LRRC7: variants seen among roughly 807,000 people sequenced by gnomAD.
The protein encoded by LRRC7 is leucine rich repeat containing 7, also known as leucine-rich repeat-containing protein 7.
In LRRC7, 23 loss-of-function variants were observed where a neutral mutation model predicts 175.7. That is an observed-to-expected ratio of 0.13 (90% confidence interval 0.09 to 0.19). LRRC7 has a LOEUF of 0.19. Among genes scored for constraint, LRRC7 ranks in the 10% least tolerant of loss-of-function variants. The probability of loss-of-function intolerance (pLI) is 1.00; values close to 1 mark genes in which losing one functional copy is unlikely to be tolerated. For synonymous variants in LRRC7, 685 were observed against 680.9 expected (o/e 1.01, Z -0.09); for missense variants, 1,354 against 1,904.7 (o/e 0.71, Z 5.38).
rs1004541019 is a variant in LRRC7 at position 70,038,195 on chromosome 1, C to G, written c.2371C>G (p.Gln791Glu). ...REAVPPGNIP[Q>E]RPDRLPMSDT... Reference sequence around the variant, plus strand: ...GGCTGTTCCCCCAGGCAATATACCACAGCGTCCTGACCGGCTGCCCATGAG... The same window carrying G: ...GGCTGTTCCCCCAGGCAATATACCAGAGCGTCCTGACCGGCTGCCCATGAG... Residue 791 changes from glutamine (Q) to glutamate (E), a missense_variant, in exon 21 of 27, where the codon CAG (glutamine) becomes GAG (glutamate). Gln to Glu is a conservative substitution (Grantham distance 29). Transcript: ENST00000651989. The G allele has an allele frequency of 3.7e-6, 6 of 1,614,020 alleles. No individual in the cohort carries two copies. Among genetic ancestry groups the G allele is most frequent in the Non-Finnish European group, 5.1e-6 (6 of 1,180,014 alleles).
At chr1:69,629,420 G>A (rs761829232) in intron 1 of LRRC7, among the ~76,000 whole-genome samples, 3 of 152,004 alleles carry the variant, frequency 2.0e-5, no homozygotes, top group Admixed American at 6.6e-5. Context: ...TATTTCCATC[G>A]AGGAGTATAT....
At chr1:69,894,052 C>G (rs1200799191) in intron 7 of LRRC7, among the ~76,000 whole-genome samples, 1 of 152,052 alleles carries the variant, frequency 6.6e-6, no homozygotes, top group Non-Finnish European at 1.5e-5. Flanking sequence ...ACGGTTAGAT[C>G]AACAAAGAGA....
At chr1:70,116,601 G>GC (rs1553207081) in intron 26 of LRRC7, among the ~76,000 whole-genome samples, 4 of 150,556 alleles carry the variant, frequency 2.7e-5, no homozygotes, top group Admixed American at 2.7e-4. Flanking sequence ...TTCTGCAAAG[G>GC]TTTTTTTTAA....
At chr1:69,821,627 C>T (rs894235814) in intron 4 of LRRC7, among the ~76,000 whole-genome samples, 4 of 152,088 alleles carry the variant, frequency 2.6e-5, no homozygotes, top group African/African-American at 9.7e-5. Flanking sequence ...CACATGGTGG[C>T]TCTCGCCTGT....
intron 8 of LRRC7, among the ~76,000 whole-genome samples, chr1:69,951,817 G>A (rs1261902312): frequency 1.3e-5 from 2 of 151,964 alleles, no homozygotes; most frequent in African/African-American, 4.8e-5. Context: ...AGGGAGAACA[G>A]AAAAGATAAC....
chr1:69,738,578 G>A (rs571819855), intron 2 of LRRC7, among the ~76,000 whole-genome samples: 5 of 152,058 alleles, frequency 3.3e-5, no homozygotes, highest in African/African-American at 1.2e-4. Context: ...CACACAAAGT[G>A]TTACTTTATC....
intron 3 of LRRC7, among the ~76,000 whole-genome samples, chr1:69,785,102 T>C (rs1174077846): frequency 6.6e-6 from 1 of 152,148 alleles, no homozygotes; most frequent in South Asian, 2.1e-4. Context: ...CTATAGCTTT[T>C]TGTATTTTTG....
chr1:69,608,605 C>G (rs999342509), intron 1 of LRRC7, among the ~76,000 whole-genome samples: 2 of 151,826 alleles, frequency 1.3e-5, no homozygotes, highest in African/African-American at 4.8e-5. Flanking sequence ...TATTCAGTTC[C>G]TAATATAATT....
intron 1 of LRRC7, among the ~76,000 whole-genome samples, chr1:69,599,236 A>T (rs571535476): frequency 6.6e-6 from 1 of 152,270 alleles, no homozygotes; most frequent in South Asian, 2.1e-4. Context: ...TTTGTGGTAC[A>T]TGTTCTTTTC....
intron 1 of LRRC7, among the ~76,000 whole-genome samples, chr1:69,580,330 A>C (rs938505186): frequency 2.6e-5 from 4 of 152,180 alleles, no homozygotes; most frequent in Admixed American, 6.5e-5. Flanking sequence ...CTGGTTAAAA[A>C]TATAATTTTT....
intron 7 of LRRC7, among the ~76,000 whole-genome samples, chr1:69,897,995 A>C (rs1646027995): frequency 6.6e-6 from 1 of 152,224 alleles, no homozygotes; most frequent in Non-Finnish European, 1.5e-5. Context: ...AAGACATGGT[A>C]ACCAGTTAAC....
intron 2 of LRRC7, among the ~76,000 whole-genome samples, chr1:69,742,492 T>G (rs1668819700): frequency 6.6e-6 from 1 of 152,020 alleles, no homozygotes; most frequent in East Asian, 1.9e-4. Context: ...TTAGATTAGA[T>G]GTTCATTAGA....
At chr1:69,992,799 A>G (rs1283532671) in intron 10 of LRRC7, among the ~76,000 whole-genome samples, 2 of 152,172 alleles carry the variant, frequency 1.3e-5, no homozygotes, top group Admixed American at 6.6e-5. Context: ...CTGTCACATC[A>G]GCATTTAGCC....
intron 10 of LRRC7, among the ~76,000 whole-genome samples, chr1:69,989,196 C>G (rs1654207595): frequency 1.3e-5 from 2 of 151,998 alleles, no homozygotes; most frequent in Non-Finnish European, 2.9e-5. Context: ...GAAAAAGAAT[C>G]AATTAAAAAT....
intron 2 of LRRC7, among the ~76,000 whole-genome samples, chr1:69,678,932 T>C (rs1468661010): frequency 6.6e-6 from 1 of 152,082 alleles, no homozygotes; most frequent in Non-Finnish European, 1.5e-5. Flanking sequence ...AAATAATAGA[T>C]ATCTGCCGGT....
Position 70,129,060 on chromosome 1 carries a change from A to G in LRRC7, c.*7173A>G, listed in dbSNP as rs182212070. 6.6e-6 allele frequency among the ~76,000 whole-genome samples: 1 copy of G among 152,208 alleles called. No individual in the cohort carries two copies. The highest frequency in any genetic ancestry group is 6.5e-5 in the Admixed American group (1 of 15,288). On this transcript the variant is annotated 3_prime_UTR_variant, in exon 27 of 27. Transcript: ENST00000651989. The stretch of plus-strand genomic sequence containing the variant: ...CAGGAATTGGATACCAGCCTGACCA[A>G]CATGCTGAAACCTCATCTCTACTAA...
intron 23 of LRRC7, among the ~76,000 whole-genome samples, chr1:70,070,857 G>T (rs915749946): frequency 1.3e-5 from 2 of 152,132 alleles, no homozygotes; most frequent in Non-Finnish European, 2.9e-5. Context: ...CTTCATTACT[G>T]CTGGGTAGGA....
chr1:70,038,651 C>G lies in LRRC7; in HGVS notation c.2827C>G (p.Leu943Val). The change falls in exon 21 of 27, where the codon CTT (leucine) becomes GTT (valine). Residue 943 changes from leucine (L) to valine (V), a missense_variant. Around this residue, in one of 4 missense-constraint regions of LRRC7, gnomAD observed 1,032 missense variants for 1,227.2 expected, o/e 0.84. Transcript: ENST00000651989. ...TCATGATTCCAATCCCAACAGGAGTCTTAGTAATGTCTTTTCTCAAATCCA... is the reference window on the plus strand; with the variant it reads ...TCATGATTCCAATCCCAACAGGAGTGTTAGTAATGTCTTTTCTCAAATCCA... Reference protein sequence around the residue: ...EYHDSNPNRSLSNVFSQIHCR... With the variant: ...EYHDSNPNRSVSNVFSQIHCR... 6.2e-7 allele frequency: 1 copy of G among 1,614,106 alleles called. No homozygotes were observed. Among genetic ancestry groups the G allele is most frequent in the Non-Finnish European group, 8.5e-7 (1 of 1,180,006 alleles).
At chr1:69,673,993 A>G (rs1659452968) in intron 1 of LRRC7, among the ~76,000 whole-genome samples, 1 of 152,022 alleles carries the variant, frequency 6.6e-6, no homozygotes, top group African/African-American at 2.4e-5. Context: ...TATCATATTT[A>G]TATATATTTT....
Sources: allele counts gnomAD v4.1 joint callset (sites outside exome capture counted in the v4.1 genomes callset), GRCh38; gene constraint gnomAD v4.1.1; regional missense constraint gnomAD v4.1.1; transcripts MANE v1.5; gene names NCBI Gene and HGNC (gene_info 2026-07-23, HGNC 2026-07-21).